The following PCCB variants were observed in gnomAD, a reference collection of about 807,000 sequenced individuals.
PCCB encodes propionyl-CoA carboxylase subunit beta.
A neutral mutation model predicts 60.7 loss-of-function variants in PCCB; 43 were observed. The ratio of observed to expected loss-of-function variants is 0.71; its 90% confidence interval spans 0.55 to 0.91. PCCB has a LOEUF of 0.91. PCCB is among the 40% of genes least tolerant of loss of function. The pLI is 0.00. For synonymous variants in PCCB, 276 were observed against 255.9 expected (o/e 1.08, Z -0.75); for missense variants, 766 against 702.8 (o/e 1.09, Z -1.02).
chr3:136,250,802 A>T (rs1576397956), intron 1 of PCCB, among the ~76,000 whole-genome samples: 1 of 152,224 alleles, frequency 6.6e-6, no homozygotes, highest in Non-Finnish European at 1.5e-5. Flanking sequence ...GCTCGTCTCT[A>T]GCCAGCTCAA....
intron 10 of PCCB, among the ~76,000 whole-genome samples, chr3:136,324,452 T>G (rs1004760593): frequency 1.3e-5 from 2 of 152,210 alleles, no homozygotes; most frequent in Non-Finnish European, 2.9e-5. Context: ...GTAATAGTGT[T>G]TTCATTTTCA....
chr3:136,264,638 C>T (rs1941929416), intron 5 of PCCB, among the ~76,000 whole-genome samples: 1 of 151,674 alleles, frequency 6.6e-6, no homozygotes, highest in Non-Finnish European at 1.5e-5. Flanking sequence ...CTTTGGGAGG[C>T]CGAGGCAGGT....
At chr3:136,264,398 TCTCG>T (rs1192302524) in intron 5 of PCCB, among the ~76,000 whole-genome samples, 3 of 145,846 alleles carry the variant, frequency 2.1e-5, no homozygotes, top group Admixed American at 7.0e-5. Flanking sequence ...ATGTGCGCGC[TCTCG>T]CTCTTTCTGT....
intron 8 of PCCB, among the ~76,000 whole-genome samples, chr3:136,300,020 A>G (rs947181981): frequency 1.5e-4 from 23 of 151,938 alleles, no homozygotes; most frequent in Non-Finnish European, 3.4e-4. Context: ...ATGCATGTGT[A>G]CACGCCCACA....
chr3:136,264,448 GTA>G (rs71157366), intron 5 of PCCB, among the ~76,000 whole-genome samples: 13 of 107,266 alleles, frequency 1.2e-4, no homozygotes, highest in African/African-American at 3.0e-4. Flanking sequence ...GTGTATATAT[GTA>G]TATATATATA....
chr3:136,271,432 G>A (rs565117468), intron 5 of PCCB, among the ~76,000 whole-genome samples: 1 of 152,122 alleles, frequency 6.6e-6, no homozygotes, highest in East Asian at 1.9e-4. Flanking sequence ...CATTGAATCT[G>A]TAGATTGCTT....
chr3:136,258,865 G>T (rs989181455), intron 3 of PCCB, among the ~76,000 whole-genome samples: 2 of 151,688 alleles, frequency 1.3e-5, no homozygotes, highest in Non-Finnish European at 2.9e-5. Flanking sequence ...ACTTTCCATG[G>T]TTCCTGGGTT....
intron 9 of PCCB, among the ~76,000 whole-genome samples, chr3:136,310,425 A>G (rs2108218603): frequency 6.6e-6 from 1 of 151,988 alleles, no homozygotes; most frequent in Middle Eastern, 3.5e-3. Flanking sequence ...GGGGAGGCCA[A>G]GGTGGGAGTT....
chr3:136,261,657 G>A (rs376791619), intron 4 of PCCB, among the ~76,000 whole-genome samples: 13 of 152,308 alleles, frequency 8.5e-5, no homozygotes, highest in Admixed American at 2.0e-4. Flanking sequence ...GCTGGAAGAC[G>A]TTACAACGTG....
intron 10 of PCCB, among the ~76,000 whole-genome samples, chr3:136,324,117 C>G (rs1385082897): frequency 1.3e-5 from 2 of 150,242 alleles, no homozygotes; most frequent in South Asian, 2.1e-4. Context: ...CTTATTGTTT[C>G]TTTCTTTCTT....
chr3:136,309,464 G>C (rs527452311), intron 9 of PCCB, among the ~76,000 whole-genome samples: 1 of 152,234 alleles, frequency 6.6e-6, no homozygotes, highest in Non-Finnish European at 1.5e-5. Context: ...GCAGAAGTAT[G>C]AAGTGAGAAA....
intron 3 of PCCB, among the ~76,000 whole-genome samples, chr3:136,257,962 T>C (rs1576403917): frequency 6.6e-6 from 1 of 152,154 alleles, no homozygotes; most frequent in African/African-American, 2.4e-5. Flanking sequence ...TAGTTATACT[T>C]GGTTAATTTA....
Position 136,283,905 on chromosome 3 carries a change from C to T in PCCB, c.612C>T (p.Ala204=), listed in dbSNP as rs201054265. ...TCATGGGCCCATGTGCTGGTGGGGC[C>T]GTCTACTCCCCAGCCCTAACAGACT... is the stretch of plus-strand genomic sequence containing the variant. ...SLIMGPCAGG[A]VYSPALTDFT... The change falls in exon 6 of 15, where the codon GCC becomes GCT. Residue 204 remains alanine, a synonymous_variant. Coordinates refer to ENST00000251654, the MANE Select transcript of PCCB (RefSeq NM_000532.5). 7.4e-5 allele frequency: 120 copies of T among 1,613,268 alleles called. 2 individuals are homozygous for T. Among genetic ancestry groups the T allele is most frequent in the South Asian group, 5.3e-4 (48 of 91,060 alleles).
rs182510469 is a variant in PCCB, at chr3:136,327,177, C to T, written c.1221C>T (p.Gly407=). 1.2e-6 allele frequency: 2 copies of T among 1,614,014 alleles called. No homozygotes were observed. The highest frequency in any genetic ancestry group is 1.1e-5 in the South Asian group (1 of 91,078). ...TAGGCACAGCACAGGAATACGGGGGCATCATCCGGCATGGTGCCAAGCTTC... is the reference window on the plus strand; with the variant it reads ...TAGGCACAGCACAGGAATACGGGGGTATCATCCGGCATGGTGCCAAGCTTC... ...FLPGTAQEYG[G]IIRHGAKLLY... The change falls in exon 12 of 15, where the codon GGC becomes GGT. Residue 407 remains glycine (G), a synonymous_variant. Transcript: ENST00000251654.
chr3:136,325,418 C>G (rs1935269820), intron 10 of PCCB, among the ~76,000 whole-genome samples: 1 of 150,830 alleles, frequency 6.6e-6, no homozygotes, highest in Non-Finnish European at 1.5e-5. Flanking sequence ...AGTGGTGGTG[C>G]AATCTTGGCT....
At chr3:136,257,347 G>A (rs1175210297) in intron 3 of PCCB, among the ~76,000 whole-genome samples, 1 of 152,158 alleles carries the variant, frequency 6.6e-6, no homozygotes, top group Non-Finnish European at 1.5e-5. Context: ...TGGTCTCTAG[G>A]AGCTGGTAAA....
intron 5 of PCCB, among the ~76,000 whole-genome samples, chr3:136,263,143 CG>C (rs1196238973): frequency 2.7e-5 from 4 of 150,886 alleles, no homozygotes; most frequent in African/African-American, 9.7e-5. Flanking sequence ...TTAGTAGAGA[CG>C]GGGTTTCACC....
chr3:136,301,200 C>T lies in PCCB; in HGVS notation c.966+89C>T, dbSNP rs1934265733. ...GGCTTAGTGAGGAAGCACTGGACCA[C>T]TTGGCCTCCATGTCAGACAGCACAG... On this transcript the variant is annotated intron_variant, in intron 9 of 14. Coordinates refer to ENST00000251654, the MANE Select transcript of PCCB (RefSeq NM_000532.5). 30 of 1,015,558 alleles carry T rather than the reference C, an allele frequency of 3.0e-5. No individual in the cohort carries two copies. The South Asian group carries it at 3.7e-4, about 13-fold the overall frequency. 62.9% of individuals were successfully genotyped at this position (1,015,558 alleles called of 1,614,324 possible).
intron 1 of PCCB, among the ~76,000 whole-genome samples, chr3:136,252,799 G>T (rs1206521067): frequency 2.0e-5 from 3 of 151,148 alleles, no homozygotes; most frequent in Non-Finnish European, 4.4e-5. Context: ...CGCAGTGCCT[G>T]GTCAGTATAA....
Sources: gnomAD v4.1 joint callset for allele counts (sites outside exome capture counted in the v4.1 genomes callset) on GRCh38, gnomAD v4.1.1 for gene constraint, MANE v1.5 for transcripts, NCBI Gene and HGNC (gene_info 2026-07-23, HGNC 2026-07-21) for gene names.